Variants in ZBTB16 observed in about 807,000 individuals in gnomAD.
ZBTB16 encodes zinc finger and BTB domain containing 16.
A neutral mutation model predicts 56.8 loss-of-function variants in ZBTB16; 8 were observed. The observed-to-expected ratio is 0.14, with a 90% CI of 0.08 to 0.25. The LOEUF (loss-of-function observed/expected upper bound fraction) is 0.25. ZBTB16 is among the 10% of genes least tolerant of loss of function. The pLI is 1.00. For missense variants in ZBTB16, 625 were observed against 903.0 expected, an observed-to-expected ratio of 0.69 and a Z score of 3.95; for synonymous variants, 363 against 368.5, an observed-to-expected ratio of 0.98 and a Z score of 0.17.
At chr11:114,122,433 C>A (rs1271745217) in intron 2 of ZBTB16, among the ~76,000 whole-genome samples, 2 of 152,014 alleles carry the variant, frequency 1.3e-5, no homozygotes, top group South Asian at 4.1e-4. Context: ...AAGATCACGA[C>A]GTCTATGTAA....
chr11:114,242,297 C>T lies in ZBTB16; in HGVS notation c.1584C>T (p.Pro528=). The T allele has an allele frequency of 6.2e-7, 1 of 1,614,058 alleles. No individual in the cohort carries two copies. Among genetic ancestry groups the T allele is most frequent in the Non-Finnish European group, 8.5e-7 (1 of 1,180,048 alleles). ...GCAGTGAGTGCAACCGCACCTTCCC[C>T]AGCCACACGGCTCTCAAACGCCACC... ...YICSECNRTF[P]SHTALKRHLR... is the part of the protein sequence containing the mutation. The change falls in exon 5 of 7, where the codon CCC becomes CCT. Residue 528 remains proline (P), a synonymous_variant. Transcript: ENST00000335953.
At chr11:114,093,320 C>T (rs545272635) in intron 2 of ZBTB16, among the ~76,000 whole-genome samples, 39 of 150,180 alleles carry the variant, frequency 2.6e-4, no homozygotes, top group African/African-American at 9.1e-4. Context: ...GAGGTGAACA[C>T]CGTATTGCTG....
chr11:114,247,390 G>C, intron 6 of ZBTB16, 25 bp downstream of exon 6: 1 of 1,613,964 alleles, frequency 6.2e-7, no homozygotes, highest in Non-Finnish European at 8.5e-7. Flanking sequence ...GGAGGGGCCT[G>C]AGCTGGCTCT....
intron 2 of ZBTB16, among the ~76,000 whole-genome samples, chr11:114,128,622 C>T (rs974709727): frequency 1.3e-5 from 2 of 152,194 alleles, no homozygotes; most frequent in African/African-American, 4.8e-5. Context: ...GTAAGCACTT[C>T]ATGAGGGTTA....
intron 2 of ZBTB16, among the ~76,000 whole-genome samples, chr11:114,107,197 T>C (rs1398655551): frequency 6.6e-6 from 1 of 152,182 alleles, no homozygotes; most frequent in Non-Finnish European, 1.5e-5. Context: ...AAGGTCACGC[T>C]GTCAACAAGG....
At chr11:114,144,177 G>GACACACAA (rs762155257) in intron 2 of ZBTB16, among the ~76,000 whole-genome samples, 4 of 144,968 alleles carry the variant, frequency 2.8e-5, no homozygotes, top group Non-Finnish European at 6.1e-5. Context: ...GTGTTTGCCA[G>GACACACAA]ACACACACAC....
rs544810043 is a variant in ZBTB16, at chr11:114,134,310, G to A, written c.1269-22027G>A. Among the ~76,000 whole-genome samples the A allele has an allele frequency of 2.0e-5, 3 of 152,270 alleles. No individual in the cohort carries two copies. The South Asian group carries it at 6.2e-4, about 32-fold the overall frequency. ...ACTCTGGTTGCATTGCTGCCAAACA[G>A]AGCTGTATTTTCACATGACAGCTTC... On this transcript the variant is annotated intron_variant, in intron 2 of 6. Transcript: ENST00000335953.
chr11:114,202,668 C>T (rs1184977518), intron 4 of ZBTB16, among the ~76,000 whole-genome samples: 1 of 152,204 alleles, frequency 6.6e-6, no homozygotes, highest in Non-Finnish European at 1.5e-5. Context: ...TTAAATATTT[C>T]ATATGCTGCA....
At chr11:114,126,623 G>A (rs942494999) in intron 2 of ZBTB16, among the ~76,000 whole-genome samples, 1 of 152,208 alleles carries the variant, frequency 6.6e-6, no homozygotes, top group African/African-American at 2.4e-5. Context: ...CGGCTGCAGT[G>A]ACACTGGTGA....
chr11:114,224,761 T>C (rs1463575576), intron 4 of ZBTB16, among the ~76,000 whole-genome samples: 3 of 150,750 alleles, frequency 2.0e-5, no homozygotes, highest in African/African-American at 7.3e-5. Flanking sequence ...ACCAGAAGAG[T>C]GTGGTGTCAT....
At chr11:114,159,060 C>T (rs1942503795) in intron 3 of ZBTB16, among the ~76,000 whole-genome samples, 1 of 152,218 alleles carries the variant, frequency 6.6e-6, no homozygotes, top group African/African-American at 2.4e-5. Flanking sequence ...ACATCAGCAG[C>T]ATTGGTGGGG....
chr11:114,188,926 A>G (rs1341361965), intron 4 of ZBTB16: 1 of 152,204 alleles, frequency 6.6e-6, no homozygotes, highest in Non-Finnish European at 1.5e-5. Context: ...GGAGTGAGCC[A>G]CTCAAAAATT....
chr11:114,162,006 G>A (rs1942602676), intron 3 of ZBTB16, among the ~76,000 whole-genome samples: 2 of 152,334 alleles, frequency 1.3e-5, no homozygotes, highest in Admixed American at 6.5e-5. Flanking sequence ...CCCTTGTCAG[G>A]CACTGTAGGC....
intron 2 of ZBTB16, 133 bp from the exon 3 acceptor site, chr11:114,156,204 T>C: frequency 1.2e-6 from 1 of 822,870 alleles, no homozygotes; most frequent in Non-Finnish European, 2.0e-6. Context: ...GGGATGTGTT[T>C]CCATCGGTGC....
At chr11:114,162,117 A>G (rs932593449) in intron 3 of ZBTB16, among the ~76,000 whole-genome samples, 2 of 152,244 alleles carry the variant, frequency 1.3e-5, no homozygotes, top group African/African-American at 4.8e-5. Context: ...TGATTTCAGC[A>G]GCAGCATGGA....
At chr11:114,107,195 G>A (rs565597239) in intron 2 of ZBTB16, among the ~76,000 whole-genome samples, 3 of 152,160 alleles carry the variant, frequency 2.0e-5, no homozygotes, top group Non-Finnish European at 4.4e-5. Flanking sequence ...GCAAGGTCAC[G>A]CTGTCAACAA....
chr11:114,211,217 G>A (rs1238930637), intron 4 of ZBTB16, among the ~76,000 whole-genome samples: 2 of 152,132 alleles, frequency 1.3e-5, no homozygotes, highest in East Asian at 3.9e-4. Context: ...CCAAGTGAGT[G>A]ACCTAAAAGT....
At chr11:114,173,552 A>G (rs1466306295) in intron 3 of ZBTB16, among the ~76,000 whole-genome samples, 1 of 152,240 alleles carries the variant, frequency 6.6e-6, no homozygotes, top group Admixed American at 6.5e-5. Context: ...AGGGATGCCT[A>G]GGCCTAAAAT....
chr11:114,068,141 TA>T (rs1348060039), intron 2 of ZBTB16, among the ~76,000 whole-genome samples: 1 of 149,928 alleles, frequency 6.7e-6, no homozygotes, highest in Non-Finnish European at 1.5e-5. Context: ...AGTGATAAAA[TA>T]ACAGGCTACA....
Sources: gnomAD v4.1 joint callset for allele counts (sites outside exome capture counted in the v4.1 genomes callset) on GRCh38, gnomAD v4.1.1 for gene constraint, MANE v1.5 for transcripts, NCBI Gene and HGNC (gene_info 2026-07-23, HGNC 2026-07-21) for gene names.